The following CPE variants were observed in gnomAD, a reference collection of about 807,000 sequenced individuals.
CPE encodes carboxypeptidase E.
A neutral mutation model predicts 53.5 loss-of-function variants in CPE; 17 were observed. That is an observed-to-expected ratio of 0.32 (90% CI 0.22 to 0.48). The LOEUF (loss-of-function observed/expected upper bound fraction) is 0.48. CPE is among the 20% of genes least tolerant of loss of function. The pLI is 0.99. For missense variants in CPE, 524 were observed against 614.7 expected (o/e 0.85, Z 1.56); for synonymous variants, 226 against 228.8 (o/e 0.99, Z 0.11).
chr4:165,397,158 A>C (rs923148550), intron 1 of CPE, among the ~76,000 whole-genome samples: 13 of 152,350 alleles, frequency 8.5e-5, no homozygotes, highest in African/African-American at 2.6e-4. Context: ...AAGTTTAAAG[A>C]TGAAATAGAA....
chr4:165,464,970 A>G (rs890813137), intron 2 of CPE, among the ~76,000 whole-genome samples: 2 of 152,222 alleles, frequency 1.3e-5, no homozygotes, highest in East Asian at 1.9e-4. Flanking sequence ...TGGATGAGCC[A>G]GTGTCACAGC....
intron 1 of CPE, among the ~76,000 whole-genome samples, chr4:165,436,542 G>T (rs1731504585): frequency 6.6e-6 from 1 of 152,172 alleles, no homozygotes; most frequent in Non-Finnish European, 1.5e-5. Flanking sequence ...TTGTATGGCT[G>T]TGTTCCAATA....
chr4:165,379,411 G>C lies in CPE; in HGVS notation c.190G>C (p.Val64Leu). Reference sequence around the variant, plus strand: ...CTACCCCGAGCTGCGCGAGGCGCTCGTGTCCGTGTGGCTGCAGTGCACCGC... The same window carrying C: ...CTACCCCGAGCTGCGCGAGGCGCTCCTGTCCGTGTGGCTGCAGTGCACCGC... The part of the protein sequence containing the change: ...HRYPELREAL[V>L]SVWLQCTAIS... The change falls in exon 1 of 9, where the codon GTG becomes CTG. Residue 64 changes from valine to leucine, a missense_variant. Physicochemically the swap from Val to Leu is conservative, Grantham distance 32 (BLOSUM62 1). Transcript: ENST00000402744. The surrounding 1 kb of genome is among the most constrained non-coding windows in gnomAD (Gnocchi z 6.0). 1 of 1,610,400 alleles carries C rather than the reference G, an allele frequency of 6.2e-7. No individual in the cohort carries two copies. The highest frequency in any genetic ancestry group is 1.1e-5 in the South Asian group (1 of 90,548).
intron 1 of CPE, among the ~76,000 whole-genome samples, chr4:165,388,232 C>A (rs535147740): frequency 6.6e-6 from 1 of 152,188 alleles, no homozygotes; most frequent in Non-Finnish European, 1.5e-5. Context: ...GGTAGTGAAA[C>A]TTCAATATAA....
At chr4:165,457,848 A>G (rs1178937531) in intron 1 of CPE, among the ~76,000 whole-genome samples, 2 of 151,150 alleles carry the variant, frequency 1.3e-5, no homozygotes, top group Non-Finnish European at 1.5e-5. Context: ...CTTTTTCCTC[A>G]TTTCTTCTGT....
chr4:165,414,539 T>C (rs1356831760), intron 1 of CPE, among the ~76,000 whole-genome samples: 2 of 152,196 alleles, frequency 1.3e-5, no homozygotes, highest in Non-Finnish European at 2.9e-5. Context: ...ATAAATTATA[T>C]GTGTTAACAG....
intron 1 of CPE, among the ~76,000 whole-genome samples, chr4:165,402,209 T>C (rs1252514921): frequency 2.0e-5 from 3 of 152,210 alleles, no homozygotes; most frequent in South Asian, 2.1e-4. Flanking sequence ...GTGGCCAACA[T>C]TTTCAGCCTG....
At chr4:165,382,110 A>G (rs1467545548) in intron 1 of CPE, among the ~76,000 whole-genome samples, 1 of 144,578 alleles carries the variant, frequency 6.9e-6, no homozygotes, top group Non-Finnish European at 1.5e-5. Flanking sequence ...CAGTAAGGTC[A>G]GCAGGTCAGG....
chr4:165,468,644 C>T (rs771571501), intron 3 of CPE, among the ~76,000 whole-genome samples: 1 of 152,186 alleles, frequency 6.6e-6, no homozygotes, highest in Non-Finnish European at 1.5e-5. Context: ...ACACCTCTTC[C>T]ATTTCCCTTC....
intron 5 of CPE, among the ~76,000 whole-genome samples, chr4:165,485,805 A>G (rs1732496550): frequency 6.6e-6 from 1 of 152,222 alleles, no homozygotes; most frequent in Non-Finnish European, 1.5e-5. Flanking sequence ...GTTAGTCTTC[A>G]GTTCTGTATA....
chr4:165,420,970 C>G (rs1365177387), intron 1 of CPE, among the ~76,000 whole-genome samples: 1 of 152,110 alleles, frequency 6.6e-6, no homozygotes, highest in Non-Finnish European at 1.5e-5. Flanking sequence ...TTGGCCCGTA[C>G]TTCTCTATTT....
At chr4:165,403,669 CT>C (rs368667229) in intron 1 of CPE, among the ~76,000 whole-genome samples, 5,256 of 132,314 alleles carry the variant, frequency 0.04, 239 homozygotes, top group African/African-American at 0.12. Context: ...TAATTTCATT[CT>C]TTTTTTTTTT....
chr4:165,433,976 C>T (rs975276237), intron 1 of CPE, among the ~76,000 whole-genome samples: 1 of 152,140 alleles, frequency 6.6e-6, no homozygotes, highest in Non-Finnish European at 1.5e-5. Flanking sequence ...GACCTTTGCA[C>T]GAGCTGTTTT....
Position 165,497,379 on chromosome 4 carries a change from G to T in CPE, c.1333-133G>T. On this transcript the variant is annotated intron_variant, in intron 8 of 8. Transcript: ENST00000402744. Reference sequence around the variant, plus strand: ...AAAATATCTTTTGTTTATTGCAAGAGATTTTATTTCAGGATTTACTTTAAT... The same window carrying T: ...AAAATATCTTTTGTTTATTGCAAGATATTTTATTTCAGGATTTACTTTAAT... 2.3e-6 allele frequency: 1 copy of T among 436,478 alleles called. No homozygotes were observed. Among genetic ancestry groups the T allele is most frequent in the East Asian group, 3.6e-5 (1 of 28,004 alleles). The allele number at this position is 436,478 out of a possible 1,614,324, so 27.0% of individuals were successfully genotyped here. A position where few individuals can be genotyped will look rare whatever the true frequency, so the allele number is the denominator to read the frequency against.
chr4:165,398,812 T>C (rs977061648), intron 1 of CPE, among the ~76,000 whole-genome samples: 7 of 152,222 alleles, frequency 4.6e-5, no homozygotes, highest in African/African-American at 1.7e-4. Flanking sequence ...CTGCTGTTTT[T>C]TTTCTGAGGA....
chr4:165,481,742 A>G (rs1300967676), intron 3 of CPE, among the ~76,000 whole-genome samples: 2 of 152,236 alleles, frequency 1.3e-5, no homozygotes, highest in Admixed American at 1.3e-4. Context: ...CTTTGATAGG[A>G]ACAATGTTTG....
At chr4:165,385,205 A>C (rs74927401) in intron 1 of CPE, among the ~76,000 whole-genome samples, 93 of 152,256 alleles carry the variant, frequency 6.1e-4, no homozygotes, top group African/African-American at 2.2e-3. Context: ...CTGGTTATTA[A>C]AAAGAAATGC....
chr4:165,450,071 A>G (rs1029246044), intron 1 of CPE, among the ~76,000 whole-genome samples: 2 of 152,034 alleles, frequency 1.3e-5, no homozygotes, highest in Admixed American at 1.3e-4. Flanking sequence ...ATTAAAGGTG[A>G]TTCGTTAGTG....
At chr4:165,459,914 C>CAAA (rs10718543) in intron 1 of CPE, among the ~76,000 whole-genome samples, 3 of 78,734 alleles carry the variant, frequency 3.8e-5, no homozygotes, top group Non-Finnish European at 7.3e-5. Flanking sequence ...GACTCTGTCT[C>CAAA]AAAAAAAAAA....
Sources: gnomAD v4.1 joint callset for allele counts (sites outside exome capture counted in the v4.1 genomes callset) on GRCh38, gnomAD v4.1.1 for gene constraint, Gnocchi (gnomAD v3.1) non-coding constraint, MANE v1.5 for transcripts, NCBI Gene and HGNC (gene_info 2026-07-23, HGNC 2026-07-21) for gene names.